The following BRSK2 variants were observed in gnomAD, a reference collection of about 807,000 sequenced individuals.
BRSK2 encodes BR serine/threonine kinase 2, also known as serine/threonine-protein kinase BRSK2.
Under a neutral mutation model 83.3 loss-of-function variants are expected in BRSK2, and 19 were observed. That is an observed-to-expected ratio of 0.23 (90% confidence interval 0.16 to 0.33). The LOEUF is 0.33. Among genes scored for constraint, BRSK2 ranks in the 10% least tolerant of loss-of-function variants. BRSK2 has a pLI of 1.00. For synonymous variants in BRSK2, 519 were observed against 435.4 expected (o/e 1.19, Z -2.39); for missense variants, 798 against 1,042.3 (o/e 0.77, Z 3.23).
chr11:1,450,526 GC>G (rs559012736), intron 13 of BRSK2, 60 bp from the exon 14 acceptor site: 138 of 801,788 alleles, frequency 1.7e-4, no homozygotes, highest in Admixed American at 2.8e-4. Flanking sequence ...CCCTGCGGGT[GC>G]CCCCCCGGCC....
rs1237857357 is a variant in BRSK2, at chr11:1,423,228, G to C, written c.92-12812G>C. 2.0e-5 allele frequency among the ~76,000 whole-genome samples: 3 copies of C among 152,216 alleles called. No individual in the cohort carries two copies. In the East Asian group the frequency reaches 5.8e-4, roughly 29 times the overall value. On this transcript the variant is annotated intron_variant, in intron 1 of 19. Coordinates refer to ENST00000528841, the MANE Select transcript of BRSK2 (RefSeq NM_001256627.2). The surrounding 1 kb of genome is among the most constrained non-coding windows in gnomAD (Gnocchi z 6.5). ...GCCTTGTGGGGTACGTGGTGGAGAC[G>C]GTGGGGTCGTGGCCGTCCAGGCTTC...
chr11:1,394,702 A>T (rs1196957255), intron 1 of BRSK2, among the ~76,000 whole-genome samples: 1 of 118,168 alleles, frequency 8.5e-6, no homozygotes, highest in African/African-American at 3.4e-5. Context: ...TGGGTCCTGG[A>T]GATGGGTCCC....
intron 1 of BRSK2, among the ~76,000 whole-genome samples, chr11:1,404,923 C>T (rs1276682162): frequency 6.6e-6 from 1 of 151,368 alleles, no homozygotes; most frequent in Admixed American, 6.6e-5. Flanking sequence ...CTCCCCAGCC[C>T]TCGCTGCCCC....
chr11:1,443,681 C>T (rs780191767), intron 8 of BRSK2, 46 bp downstream of exon 8: 308 of 1,466,100 alleles, frequency 2.1e-4, no homozygotes, highest in Admixed American at 4.5e-4. Context: ...GGCGGGGGGG[C>T]GCGGGGGCGG....
Position 1,423,881 on chromosome 11 carries a change from A to G in BRSK2, c.92-12159A>G, listed in dbSNP as rs1412386847. Among the ~76,000 whole-genome samples the G allele has an allele frequency of 8.9e-6, 1 of 112,604 alleles. No homozygotes were observed. The allele number at this position is 112,604 out of a possible 152,430, so 73.9% of individuals were successfully genotyped here. A position where few individuals can be genotyped will look rare whatever the true frequency, so the allele number is the denominator to read the frequency against. ...CCTGGGCCTGCAGAAGTGCTCCCCC[A>G]CCCCCATCTTGCTTTCACCCTCACG... On this transcript the variant is annotated intron_variant, in intron 1 of 19. Transcript: ENST00000528841. The surrounding 1 kb of genome is among the most constrained non-coding windows in gnomAD (Gnocchi z 6.5).
chr11:1,401,284 C>T (rs1163626972), intron 1 of BRSK2, among the ~76,000 whole-genome samples: 1 of 152,242 alleles, frequency 6.6e-6, no homozygotes. Context: ...GCTACCCTCG[C>T]GGGTCTGTAT....
rs764259788 is a variant in BRSK2 at position 1,460,658 on chromosome 11, G to A, written c.2146G>A (p.Glu716Lys). The change falls in exon 20 of 20, where the codon GAG becomes AAG. Residue 716 changes from glutamate to lysine, a missense_variant. Transcript: ENST00000528841. ...TGGCCCTGGCCCCGGAGGGGACGCCGAGTACCCAACGGGCAAGGACACGGC... is the reference window on the plus strand; with the variant it reads ...TGGCCCTGGCCCCGGAGGGGACGCCAAGTACCCAACGGGCAAGGACACGGC... The part of the protein sequence containing the change: ...AAGPGPGGDA[E>K]YPTGKDTAKM... 2.9e-5 allele frequency: 44 copies of A among 1,527,370 alleles called. No homozygotes were observed. The highest frequency in any genetic ancestry group is 2.2e-4 in the South Asian group (18 of 83,672). The allele number at this position is 1,527,370 out of a possible 1,614,324, so 94.6% of individuals were successfully genotyped here. A position where few individuals can be genotyped will look rare whatever the true frequency, so the allele number is the denominator to read the frequency against.
chr11:1,427,618 G>C (rs1849396421), intron 1 of BRSK2, among the ~76,000 whole-genome samples: 1 of 152,238 alleles, frequency 6.6e-6, no homozygotes, highest in Non-Finnish European at 1.5e-5. Flanking sequence ...GGCGTGAGCT[G>C]CTGTGCACCG....
chr11:1,442,634 G>A (rs1851495981), intron 5 of BRSK2, 28 bp downstream of exon 5: 2 of 1,561,482 alleles, frequency 1.3e-6, no homozygotes, highest in Non-Finnish European at 1.8e-6. Context: ...CTGGAGAGAG[G>A]CTGGGGGACA....
At chr11:1,401,930 T>A (rs934856021) in intron 1 of BRSK2, among the ~76,000 whole-genome samples, 6 of 152,250 alleles carry the variant, frequency 3.9e-5, no homozygotes, top group Admixed American at 3.9e-4. Context: ...TGTCGTCAGC[T>A]GTGGGTCTCT....
intron 1 of BRSK2, among the ~76,000 whole-genome samples, chr11:1,397,489 C>T (rs569547379): frequency 7.2e-5 from 11 of 152,358 alleles, no homozygotes; most frequent in Admixed American, 3.3e-4. Flanking sequence ...TTTTCCTGGA[C>T]GCCTCCAGCT....
intron 1 of BRSK2, among the ~76,000 whole-genome samples, chr11:1,413,386 A>G (rs1310539587): frequency 6.6e-6 from 1 of 151,824 alleles, no homozygotes; most frequent in Non-Finnish European, 1.5e-5. Flanking sequence ...GGACCATGGT[A>G]GGAGACTCAT....
At chr11:1,445,062 CTGCTAGGAAAGGCGGGGGGA>C in intron 9 of BRSK2, 60 bp downstream of exon 9, 1 of 1,587,198 alleles carries the variant, frequency 6.3e-7, no homozygotes, top group Non-Finnish European at 8.6e-7. Flanking sequence ...CCTGGAGGCC[CTGCTAGGAAAGGCGGGGGGA>C]GGGCGCCGGC....
intron 1 of BRSK2, among the ~76,000 whole-genome samples, chr11:1,420,884 C>T (rs990364899): frequency 2.0e-5 from 3 of 152,212 alleles, no homozygotes; most frequent in African/African-American, 7.2e-5. Flanking sequence ...CCTTAAGAGC[C>T]TGGCTTGAGC....
chr11:1,452,748 C>A (rs1845956951), intron 15 of BRSK2, among the ~76,000 whole-genome samples: 1 of 152,176 alleles, frequency 6.6e-6, no homozygotes, highest in African/African-American at 2.4e-5. Flanking sequence ...ACAGCCCCAC[C>A]CAAGGGCCCG....
chr11:1,398,968 G>A (rs61867617), intron 1 of BRSK2, among the ~76,000 whole-genome samples: 24,123 of 152,232 alleles, frequency 0.16, 2,342 homozygotes, highest in Non-Finnish European at 0.2. Context: ...TTCGTCCTGC[G>A]CCGTCCTGGG....
At chr11:1,416,034 T>G (rs1181031076) in intron 1 of BRSK2, among the ~76,000 whole-genome samples, 1 of 152,280 alleles carries the variant, frequency 6.6e-6, no homozygotes, top group African/African-American at 2.4e-5. Flanking sequence ...AGTTCATTAG[T>G]GCTCTTGGCA....
chr11:1,411,095 G>C, intron 1 of BRSK2: 6 of 1,176,150 alleles, frequency 5.1e-6, no homozygotes, highest in South Asian at 4.3e-5. Flanking sequence ...CTTTGGAGGA[G>C]GCAGCCCAGG....
chr11:1,422,790 G>A (rs548593154), intron 1 of BRSK2, among the ~76,000 whole-genome samples: 5 of 152,168 alleles, frequency 3.3e-5, no homozygotes, highest in Non-Finnish European at 5.9e-5. Context: ...CCAGCTGTTT[G>A]CCCAGCGCCA....
Sources: allele counts gnomAD v4.1 joint callset (sites outside exome capture counted in the v4.1 genomes callset), GRCh38; gene constraint gnomAD v4.1.1; non-coding constraint Gnocchi (gnomAD v3.1); transcripts MANE v1.5; gene names NCBI Gene and HGNC (gene_info 2026-07-23, HGNC 2026-07-21).